Variants in TRIP12 observed in about 807,000 individuals in gnomAD.
TRIP12 encodes the protein E3 ubiquitin-protein ligase TRIP12.
TRIP12 carries 25 observed loss-of-function variants against 244.2 expected under a neutral mutation model. The ratio of observed to expected loss-of-function variants is 0.10; its 90% CI spans 0.07 to 0.14. TRIP12 has a LOEUF of 0.14. Ranked by LOEUF, TRIP12 falls within the 10% of genes least tolerant of loss-of-function variation. TRIP12 has a pLI of 1.00. For missense variants in TRIP12, 1,677 were observed against 2,486.4 expected, an observed-to-expected ratio of 0.67 and a Z score of 6.92; for synonymous variants, 905 against 873.1, an observed-to-expected ratio of 1.04 and a Z score of -0.64.
rs554779208 is a variant in TRIP12 at position 229,783,810 on chromosome 2, T to TAA, written c.5094+1945_5094+1946dup. Among the ~76,000 whole-genome samples, 665 of 125,204 alleles carry TAA rather than the reference T, an allele frequency of 5.3e-3. 6 individuals carry two copies. Among genetic ancestry groups the TAA allele is most frequent in the African/African-American group, 0.016 (554 of 33,758 alleles). The allele number at this position is 125,204 out of a possible 152,430, so 82.1% of individuals were successfully genotyped here. A position where few individuals can be genotyped will look rare whatever the true frequency, so the allele number is the denominator to read the frequency against. On this transcript the variant is annotated intron_variant, in intron 34 of 41. Coordinates refer to ENST00000675903, the MANE Select transcript of TRIP12 (RefSeq NM_001348323.3). ...AGTTGAAAATAACCAAACCATCTTT[T>TAA]AAAAAAAAAAAAAAAAAAGGCCAGG...
At position 229,830,775 on chromosome 2, in the gene TRIP12, G is replaced by A. The variant is rs753869840; in HGVS notation, c.1335C>T (p.Ser445=). The part of the protein sequence containing the change: ...TTSGESESDD[S]EMGRLQALLE... The stretch of plus-strand genomic sequence containing the variant: ...TTTTACCTTGCAAACGTCCCATCTC[G>A]GAATCATCTGATTCACTCTCCCCAG... Residue 445 remains serine (S), a synonymous_variant, in exon 7 of 42, where the codon TCC becomes TCT. Transcript: ENST00000675903. 1.1e-5 allele frequency: 18 copies of A among 1,613,824 alleles called. No homozygotes were observed. The highest frequency in any genetic ancestry group is 1.0e-4 in the Admixed American group (6 of 59,994).
chr2:229,895,536 A>G (rs1371228714), intron 1 of TRIP12, among the ~76,000 whole-genome samples: 4 of 151,322 alleles, frequency 2.6e-5, no homozygotes, highest in Admixed American at 2.6e-4. Flanking sequence ...GACATGTCCT[A>G]AGTCAAAAAC....
intron 2 of TRIP12, among the ~76,000 whole-genome samples, chr2:229,861,583 G>T (rs2060491088): frequency 6.6e-6 from 1 of 152,086 alleles, no homozygotes; most frequent in Non-Finnish European, 1.5e-5. Flanking sequence ...ACTTAGAAAT[G>T]AGTCACTGAA....
At chr2:229,917,832 C>A (rs772397136) in intron 1 of TRIP12, among the ~76,000 whole-genome samples, 1 of 152,180 alleles carries the variant, frequency 6.6e-6, no homozygotes, top group Admixed American at 6.5e-5. Context: ...CCTAGAACTA[C>A]TGATGCATGC....
intron 13 of TRIP12, among the ~76,000 whole-genome samples, chr2:229,811,961 T>C (rs2047350703): frequency 6.6e-6 from 1 of 152,222 alleles, no homozygotes; most frequent in African/African-American, 2.4e-5. Context: ...TGCTACAAAT[T>C]GTGACTATTT....
rs1019932111 is a variant in TRIP12, at chr2:229,764,365, C to T, written c.*3189G>A. 1.3e-5 allele frequency: 2 copies of T among 152,154 alleles called. No individual in the cohort carries two copies. Among genetic ancestry groups the T allele is most frequent in the Non-Finnish European group, 2.9e-5 (2 of 68,032 alleles). The allele number at this position is 152,154 out of a possible 1,614,324, so 9.4% of individuals were successfully genotyped here. A position where few individuals can be genotyped will look rare whatever the true frequency, so the allele number is the denominator to read the frequency against. The stretch of plus-strand genomic sequence containing the variant: ...CATTTCCAAACAATTATTCTCATTA[C>T]AGCAGGGAAAACAAAATGGATCAAA... On this transcript the variant is annotated 3_prime_UTR_variant, in exon 42 of 42. Coordinates refer to ENST00000675903, the MANE Select transcript of TRIP12 (RefSeq NM_001348323.3).
At chr2:229,891,538 G>T (rs1054756130) in intron 1 of TRIP12, among the ~76,000 whole-genome samples, 4 of 152,134 alleles carry the variant, frequency 2.6e-5, no homozygotes, top group African/African-American at 9.7e-5. Context: ...GGAAGTCAAG[G>T]CTGCAGCAAG....
chr2:229,779,102 A>G, intron 34 of TRIP12, 112 bp from the exon 35 acceptor site: 1 of 853,192 alleles, frequency 1.2e-6, no homozygotes, highest in South Asian at 1.6e-5. Context: ...GATGCATTAG[A>G]GATTATTTTC....
chr2:229,853,660 A>AAAAT (rs963096808), intron 4 of TRIP12, among the ~76,000 whole-genome samples: 4 of 144,892 alleles, frequency 2.8e-5, no homozygotes, highest in African/African-American at 7.4e-5. Flanking sequence ...TCTGACTCCA[A>AAAAT]AAATAAATAA....
At chr2:229,892,097 A>G (rs1013528291) in intron 1 of TRIP12, among the ~76,000 whole-genome samples, 12 of 152,244 alleles carry the variant, frequency 7.9e-5, no homozygotes, top group African/African-American at 2.7e-4. Context: ...ACTGTTTGCT[A>G]CAATGGAGCT....
chr2:229,859,932 T>C (rs2060192939), intron 3 of TRIP12, among the ~76,000 whole-genome samples: 1 of 152,204 alleles, frequency 6.6e-6, no homozygotes, highest in South Asian at 2.1e-4. Flanking sequence ...AACTGCTTTG[T>C]CAAAGCTTAG....
intron 6 of TRIP12, among the ~76,000 whole-genome samples, chr2:229,833,415 G>A (rs1365334915): frequency 6.6e-6 from 1 of 152,122 alleles, no homozygotes; most frequent in African/African-American, 2.4e-5. Flanking sequence ...CGCCTCCTGA[G>A]TAGCTGGTAC....
intron 1 of TRIP12, among the ~76,000 whole-genome samples, chr2:229,903,944 G>C (rs1036925707): frequency 3.3e-5 from 5 of 152,086 alleles, no homozygotes; most frequent in Non-Finnish European, 7.4e-5. Flanking sequence ...GCTGAGGCAG[G>C]AGGATAGTTT....
At chr2:229,862,888 A>G (rs2060694751) in intron 2 of TRIP12, among the ~76,000 whole-genome samples, 1 of 152,242 alleles carries the variant, frequency 6.6e-6, no homozygotes, top group South Asian at 2.1e-4. Flanking sequence ...AAAAGTAAAC[A>G]GTATTCAAAT....
At chr2:229,873,033 AT>A (rs1350551797) in intron 2 of TRIP12, among the ~76,000 whole-genome samples, 2 of 152,206 alleles carry the variant, frequency 1.3e-5, no homozygotes, top group Non-Finnish European at 2.9e-5. Flanking sequence ...AAAGAAAAAA[AT>A]AATAGAAGGA....
intron 6 of TRIP12, among the ~76,000 whole-genome samples, chr2:229,834,300 G>T (rs971763398): frequency 6.6e-6 from 1 of 152,184 alleles, no homozygotes; most frequent in Non-Finnish European, 1.5e-5. Context: ...ATCTAACCCT[G>T]ATCATTTCTT....
chr2:229,822,534 TAAA>T (rs1476816890), intron 8 of TRIP12, among the ~76,000 whole-genome samples: 7 of 152,222 alleles, frequency 4.6e-5, no homozygotes, highest in Non-Finnish European at 7.3e-5. Context: ...CAACTCTGGT[TAAA>T]ACAAGCTCAA....
intron 8 of TRIP12, among the ~76,000 whole-genome samples, chr2:229,826,332 G>A (rs2051584234): frequency 6.6e-6 from 1 of 152,190 alleles, no homozygotes; most frequent in Non-Finnish European, 1.5e-5. Flanking sequence ...ACCAAGAAAA[G>A]AAGATAAAGG....
intron 2 of TRIP12, among the ~76,000 whole-genome samples, chr2:229,874,110 G>A (rs1196265933): frequency 6.6e-6 from 1 of 150,778 alleles, no homozygotes. Flanking sequence ...CACATAAAGG[G>A]CCCTAATAAA....
Sources: allele counts gnomAD v4.1 joint callset (sites outside exome capture counted in the v4.1 genomes callset), GRCh38; gene constraint gnomAD v4.1.1; transcripts MANE v1.5; gene names NCBI Gene and HGNC (gene_info 2026-07-23, HGNC 2026-07-21).